CTNNA3: variants seen among roughly 807,000 people sequenced by gnomAD.
CTNNA3 encodes catenin alpha 3, also known as catenin alpha-3.
In CTNNA3, 76 loss-of-function variants were observed where a neutral mutation model predicts 95.7. The observed-to-expected ratio is 0.79, with a 90% confidence interval of 0.66 to 0.96. The LOEUF (loss-of-function observed/expected upper bound fraction) is 0.96, where lower values mean the gene tolerates loss of function less well. Ranked by LOEUF, CTNNA3 falls within the 40% of genes least tolerant of loss-of-function variation. CTNNA3 has a pLI of 0.00. For missense variants in CTNNA3, 1,191 were observed against 1,089.8 expected (o/e 1.09, Z -1.31); for synonymous variants, 431 against 374.4 (o/e 1.15, Z -1.74).
intron 11 of CTNNA3, among the ~76,000 whole-genome samples, chr10:66,466,850 A>C (rs1156854345): frequency 6.6e-6 from 1 of 152,184 alleles, no homozygotes; most frequent in Admixed American, 6.6e-5. Context: ...CTTGAAAAGA[A>C]TAGATGTAAA....
chr10:67,240,864 A>G (rs1339833124), intron 5 of CTNNA3, among the ~76,000 whole-genome samples: 2 of 152,188 alleles, frequency 1.3e-5, no homozygotes, highest in Non-Finnish European at 2.9e-5. Context: ...GTGTGTGTAA[A>G]GTTCAAAAAT....
chr10:66,894,329 A>T (rs1014431137), intron 7 of CTNNA3, among the ~76,000 whole-genome samples: 1 of 152,038 alleles, frequency 6.6e-6, no homozygotes, highest in African/African-American at 2.4e-5. Flanking sequence ...ATCACTCTAA[A>T]GTCTATCCAG....
intron 5 of CTNNA3, among the ~76,000 whole-genome samples, chr10:67,424,188 G>A (rs1271137370): frequency 6.6e-6 from 1 of 152,078 alleles, no homozygotes; most frequent in Non-Finnish European, 1.5e-5. Context: ...AGGGGTCCCT[G>A]CTTCTATACA....
At chr10:66,639,081 G>A (rs943662732) in intron 9 of CTNNA3, among the ~76,000 whole-genome samples, 3 of 151,860 alleles carry the variant, frequency 2.0e-5, no homozygotes, top group Admixed American at 1.3e-4. Flanking sequence ...TTATATCTAC[G>A]TTTAGTAAAT....
intron 5 of CTNNA3, among the ~76,000 whole-genome samples, chr10:67,365,627 G>A (rs1406185987): frequency 1.3e-5 from 2 of 152,188 alleles, no homozygotes; most frequent in Non-Finnish European, 2.9e-5. Flanking sequence ...ATGAAAAAAT[G>A]CTCATCATCA....
intron 15 of CTNNA3, among the ~76,000 whole-genome samples, chr10:66,063,160 G>A (rs572250284): frequency 1.2e-4 from 18 of 149,592 alleles, no homozygotes; most frequent in Admixed American, 3.4e-4. Flanking sequence ...AGTAGTTTCA[G>A]TTCTGCTCCT....
At chr10:67,435,089 T>A (rs1333768987) in intron 5 of CTNNA3, among the ~76,000 whole-genome samples, 2 of 152,072 alleles carry the variant, frequency 1.3e-5, no homozygotes, top group Non-Finnish European at 2.9e-5. Context: ...TGTATTCAAA[T>A]GTTCCTAGCT....
At chr10:66,497,307 G>T (rs185356939) in intron 11 of CTNNA3, among the ~76,000 whole-genome samples, 12 of 151,912 alleles carry the variant, frequency 7.9e-5, no homozygotes, top group Admixed American at 3.9e-4. Context: ...TTAGGATGGT[G>T]CAAAAGTAGT....
chr10:66,339,105 T>C (rs1377825707), intron 12 of CTNNA3, among the ~76,000 whole-genome samples: 1 of 151,828 alleles, frequency 6.6e-6, no homozygotes, highest in Non-Finnish European at 1.5e-5. Context: ...ATCTATGTAT[T>C]TTTTGTTGAG....
chr10:66,611,032 T>C (rs2394216), intron 10 of CTNNA3, among the ~76,000 whole-genome samples: 49,670 of 151,886 alleles, frequency 0.33, 9,545 homozygotes, highest in East Asian at 0.85. Flanking sequence ...GGTCACTATG[T>C]TAAGTAAAAT....
intron 2 of CTNNA3, among the ~76,000 whole-genome samples, chr10:67,615,658 T>C (rs1843628183): frequency 2.4e-5 from 1 of 41,648 alleles, no homozygotes. Flanking sequence ...GCAGGTATTC[T>C]TTTTTTTTTT....
At chr10:67,208,395 A>AG (rs1863999941) in intron 6 of CTNNA3, among the ~76,000 whole-genome samples, 3 of 151,156 alleles carry the variant, frequency 2.0e-5, no homozygotes, top group Non-Finnish European at 4.4e-5. Flanking sequence ...AAAAAAAAAA[A>AG]TAGCCACAGA....
intron 5 of CTNNA3, among the ~76,000 whole-genome samples, chr10:67,318,399 T>C (rs1458257568): frequency 1.3e-5 from 2 of 152,336 alleles, no homozygotes. Context: ...TGTAAAATGA[T>C]GGAAGTTACC....
intron 13 of CTNNA3, among the ~76,000 whole-genome samples, chr10:66,246,035 C>A (rs2090308556): frequency 6.6e-6 from 1 of 152,218 alleles, no homozygotes; most frequent in Non-Finnish European, 1.5e-5. Flanking sequence ...GCAGCCCAGG[C>A]CCCAGCTTTC....
rs1425366133 is a variant in CTNNA3, at chr10:66,685,307, ATG to A, written c.1282-63525_1282-63524del. Among the ~76,000 whole-genome samples, 144 of 60,904 alleles carry A rather than the reference ATG, an allele frequency of 2.4e-3. 7 individuals are homozygous for A. Among genetic ancestry groups the A allele is most frequent in the African/African-American group, 0.013 (129 of 10,312 alleles). 40.0% of individuals were successfully genotyped at this position (60,904 alleles called of 152,430 possible). ...TAAGTATATATATGTGTGTATATAT[ATG>A]TGTGTGTGTATGTGTGTATATATAT... is the stretch of plus-strand genomic sequence containing the variant. On this transcript the variant is annotated intron_variant, in intron 9 of 17. Transcript: ENST00000433211.
intron 5 of CTNNA3, among the ~76,000 whole-genome samples, chr10:67,324,652 A>G (rs973202518): frequency 1.3e-5 from 2 of 151,278 alleles, no homozygotes; most frequent in African/African-American, 4.9e-5. Flanking sequence ...TATTTTGTTG[A>G]GGATTTTTGC....
At chr10:67,593,243 A>G (rs999647184) in intron 3 of CTNNA3, among the ~76,000 whole-genome samples, 5 of 152,086 alleles carry the variant, frequency 3.3e-5, no homozygotes, top group African/African-American at 4.8e-5. Context: ...GGTTGACTCC[A>G]TGTCATTGCT....
At chr10:67,201,757 A>G (rs944472752) in intron 6 of CTNNA3, among the ~76,000 whole-genome samples, 1 of 152,230 alleles carries the variant, frequency 6.6e-6, no homozygotes, top group Non-Finnish European at 1.5e-5. Flanking sequence ...GGTGATGGGA[A>G]CTAAGCAGAG....
chr10:66,123,250 C>T (rs1004146452), intron 13 of CTNNA3, among the ~76,000 whole-genome samples: 10 of 152,048 alleles, frequency 6.6e-5, no homozygotes, highest in Middle Eastern at 3.2e-3. Flanking sequence ...TTGGCCAAAA[C>T]GAAGGGGCTA....
Sources: gnomAD v4.1 joint callset for allele counts (sites outside exome capture counted in the v4.1 genomes callset) on GRCh38, gnomAD v4.1.1 for gene constraint, MANE v1.5 for transcripts, NCBI Gene and HGNC (gene_info 2026-07-23, HGNC 2026-07-21) for gene names.